Variants in SLC26A7 observed in about 807,000 individuals in gnomAD.
The protein encoded by SLC26A7 is anion exchange transporter.
A neutral mutation model predicts 82.5 loss-of-function variants in SLC26A7; 59 were observed. That is an observed-to-expected ratio of 0.72 (90% CI 0.58 to 0.89). The LOEUF is 0.89. Ranked by LOEUF, SLC26A7 falls within the 40% of genes least tolerant of loss-of-function variation. SLC26A7 has a pLI of 0.00. For synonymous variants in SLC26A7, 271 were observed against 274.3 expected (o/e 0.99, Z 0.12); for missense variants, 820 against 793.0 (o/e 1.03, Z -0.41).
intron 9 of SLC26A7, among the ~76,000 whole-genome samples, chr8:91,346,654 T>C (rs1813571822): frequency 1.3e-5 from 2 of 152,192 alleles, no homozygotes. Flanking sequence ...TGTGGAAAGT[T>C]ATCTTTACAA....
intron 2 of SLC26A7, among the ~76,000 whole-genome samples, chr8:91,284,003 G>A (rs1811644545): frequency 6.6e-6 from 1 of 151,956 alleles, no homozygotes; most frequent in Non-Finnish European, 1.5e-5. Context: ...CTTGGTTTTG[G>A]TTTGGCAACT....
chr8:91,290,385 G>T lies in SLC26A7; in HGVS notation c.304+1139G>T, dbSNP rs1811831512. 2.0e-5 allele frequency among the ~76,000 whole-genome samples: 3 copies of T among 152,146 alleles called. No homozygotes were observed. In the South Asian group the frequency reaches 6.2e-4, roughly 32 times the overall value. Reference sequence around the variant, plus strand: ...CAGAAGTCTGAAATGATATTCACAGGACTAAAACTAAGGTGTCAGCAGGGC... The same window carrying T: ...CAGAAGTCTGAAATGATATTCACAGTACTAAAACTAAGGTGTCAGCAGGGC... On this transcript the variant is annotated intron_variant, in intron 3 of 18. Transcript: ENST00000276609.
chr8:91,261,164 T>A (rs766631243), intron 2 of SLC26A7, among the ~76,000 whole-genome samples: 4 of 152,130 alleles, frequency 2.6e-5, no homozygotes, highest in Non-Finnish European at 5.9e-5. Flanking sequence ...TATTTTGTTT[T>A]TAAGAATACT....
Position 91,354,933 on chromosome 8 carries a change from C to T in SLC26A7, c.1314+1937C>T, listed in dbSNP as rs553647057. On this transcript the variant is annotated intron_variant, in intron 11 of 18. Transcript: ENST00000276609. ...TTTTTAAAAAAAGGATTCTCATACT[C>T]GTTATTTATTTCATCTCTGTTTTCT... Among the ~76,000 whole-genome samples, 9 of 151,884 alleles carry T rather than the reference C, an allele frequency of 5.9e-5. No homozygotes were observed. The South Asian group carries it at 1.7e-3, about 28-fold the overall frequency.
intron 2 of SLC26A7, among the ~76,000 whole-genome samples, chr8:91,266,520 T>A (rs1011162475): frequency 3.3e-5 from 5 of 152,114 alleles, no homozygotes; most frequent in Non-Finnish European, 4.4e-5. Flanking sequence ...CCTTCTTGAA[T>A]TCTTTTTTGT....
chr8:91,366,625 G>A lies in SLC26A7; in HGVS notation c.1534G>A (p.Val512Ile), dbSNP rs764066515. ...AATTATCTCAATAAACAACCCGCTT[G>A]TTTTCCTGAATGCAAAAAAATTTTA... Reference protein sequence around the residue: ...VKIISINNPLVFLNAKKFYTD... With the variant: ...VKIISINNPLIFLNAKKFYTD... Residue 512 changes from valine to isoleucine, a missense_variant, in exon 14 of 19, where the codon GTT becomes ATT. By Grantham distance (29) the Val-to-Ile change is conservative. Coordinates refer to ENST00000276609, the MANE Select transcript of SLC26A7 (RefSeq NM_052832.4). 1.2e-6 allele frequency: 2 copies of A among 1,613,536 alleles called. No individual in the cohort carries two copies. Among genetic ancestry groups the A allele is most frequent in the Admixed American group, 1.7e-5 (1 of 59,894 alleles).
intron 9 of SLC26A7, among the ~76,000 whole-genome samples, chr8:91,345,796 C>T (rs998684183): frequency 1.2e-4 from 18 of 152,092 alleles, no homozygotes; most frequent in Admixed American, 6.6e-5. Context: ...TAGGCATTTC[C>T]CTGCTTTTCT....
intron 15 of SLC26A7, 77 bp from the exon 16 acceptor site, chr8:91,389,261 C>T: frequency 2.1e-6 from 2 of 955,164 alleles, no homozygotes; most frequent in South Asian, 1.4e-5. Flanking sequence ...CCACTGTTAC[C>T]CTCCCACCAG....
chr8:91,314,098 A>G (rs1313053445), intron 4 of SLC26A7, among the ~76,000 whole-genome samples: 1 of 152,230 alleles, frequency 6.6e-6, no homozygotes, highest in African/African-American at 2.4e-5. Context: ...AAACAGCTGA[A>G]CTATATTGTA....
chr8:91,235,399 G>A (rs1195622215), intron 2 of SLC26A7, among the ~76,000 whole-genome samples: 1 of 152,128 alleles, frequency 6.6e-6, no homozygotes, highest in Non-Finnish European at 1.5e-5. Flanking sequence ...AAAGAATCTG[G>A]TATGCAGTTT....
chr8:91,241,378 A>G (rs1261625345), intron 2 of SLC26A7, among the ~76,000 whole-genome samples: 1 of 152,170 alleles, frequency 6.6e-6, no homozygotes, highest in Admixed American at 6.5e-5. Context: ...ATTATGGAAC[A>G]TATTTTCTTT....
intron 11 of SLC26A7, among the ~76,000 whole-genome samples, chr8:91,358,812 G>C (rs754273362): frequency 6.6e-6 from 1 of 151,934 alleles, no homozygotes; most frequent in African/African-American, 2.4e-5. Context: ...ACCATCATTC[G>C]CAGCAAACTA....
intron 15 of SLC26A7, among the ~76,000 whole-genome samples, chr8:91,379,903 A>G (rs1814621963): frequency 6.6e-6 from 1 of 152,096 alleles, no homozygotes; most frequent in Admixed American, 6.5e-5. Flanking sequence ...TATAAAATGC[A>G]GAAAGGACTG....
intron 5 of SLC26A7, among the ~76,000 whole-genome samples, chr8:91,331,418 C>CTCTTTTATTTTAA (rs1813078012): frequency 6.6e-6 from 1 of 152,066 alleles, no homozygotes; most frequent in African/African-American, 2.4e-5. Flanking sequence ...TTTTATTTTA[C>CTCTTTTATTTTAA]TCTTTAAATG....
intron 6 of SLC26A7, among the ~76,000 whole-genome samples, chr8:91,335,854 G>A (rs796833015): frequency 6.6e-5 from 10 of 152,214 alleles, no homozygotes; most frequent in African/African-American, 2.4e-4. Flanking sequence ...TTTCCTAGTC[G>A]TTTATGTTCT....
intron 2 of SLC26A7, among the ~76,000 whole-genome samples, chr8:91,228,263 G>T (rs1163793796): frequency 6.6e-6 from 1 of 152,218 alleles, no homozygotes; most frequent in African/African-American, 2.4e-5. Flanking sequence ...TAATACGACA[G>T]CACGGTAGTA....
intron 2 of SLC26A7, among the ~76,000 whole-genome samples, chr8:91,275,203 A>G (rs185507215): frequency 1.1e-4 from 17 of 152,376 alleles, no homozygotes; most frequent in South Asian, 2.1e-4. Flanking sequence ...TAGAATGTAT[A>G]TAGAATATAT....
intron 4 of SLC26A7, among the ~76,000 whole-genome samples, chr8:91,296,259 C>T (rs1237306684): frequency 1.3e-5 from 2 of 152,148 alleles, no homozygotes; most frequent in African/African-American, 4.8e-5. Flanking sequence ...TTCAAAATAT[C>T]AGAATATGTA....
chr8:91,331,484 G>A (rs1344179745), intron 5 of SLC26A7, among the ~76,000 whole-genome samples: 2 of 151,988 alleles, frequency 1.3e-5, no homozygotes, highest in Non-Finnish European at 2.9e-5. Context: ...TTTGTAACAA[G>A]GTCTTTTCAC....
Sources: gnomAD v4.1 joint callset for allele counts (sites outside exome capture counted in the v4.1 genomes callset) on GRCh38, gnomAD v4.1.1 for gene constraint, MANE v1.5 for transcripts, NCBI Gene and HGNC (gene_info 2026-07-23, HGNC 2026-07-21) for gene names.